Variants in RDH10 observed in about 807,000 individuals in gnomAD.
RDH10 encodes the protein retinol dehydrogenase 10 (all-trans).
Under a neutral mutation model 30.2 loss-of-function variants are expected in RDH10, and 12 were observed. That is an observed-to-expected ratio of 0.40 (90% CI 0.25 to 0.64). The LOEUF (loss-of-function observed/expected upper bound fraction) is 0.64. Among genes scored for constraint, RDH10 ranks in the 30% least tolerant of loss-of-function variants. The pLI, the probability that RDH10 is intolerant of heterozygous loss-of-function variation, is 0.43. For synonymous variants in RDH10, 189 were observed against 172.2 expected, an observed-to-expected ratio of 1.10 and a Z score of -0.76; for missense variants, 268 against 445.2, an observed-to-expected ratio of 0.60 and a Z score of 3.58.
chr8:73,323,031 A>G lies in RDH10; in HGVS notation c.1021A>G (p.Ile341Val). The G allele has an allele frequency of 6.2e-7, 1 of 1,612,138 alleles. No homozygotes were observed. Among genetic ancestry groups the G allele is most frequent in the Non-Finnish European group, 8.5e-7 (1 of 1,178,228 alleles). ...ATNNNEAKNG[I>V] ...AAACAATAATGAAGCAAAAAATGGA[A>G]TCTAAGAATCTTTTTGTATGGAATA... The change falls in exon 6 of 6, where the codon ATC becomes GTC. Residue 341 changes from isoleucine (I) to valine (V), a missense_variant. Coordinates refer to ENST00000240285, the MANE Select transcript of RDH10 (RefSeq NM_172037.5).
At chr8:73,303,707 A>C (rs1814419992) in intron 2 of RDH10, among the ~76,000 whole-genome samples, 1 of 152,156 alleles carries the variant, frequency 6.6e-6, no homozygotes, top group African/African-American at 2.4e-5. Context: ...TTTTGATAGG[A>C]ACTGCTTGGT....
chr8:73,316,232 G>C (rs770930671), intron 2 of RDH10, among the ~76,000 whole-genome samples: 15 of 151,980 alleles, frequency 9.9e-5, no homozygotes, highest in Non-Finnish European at 1.9e-4. Flanking sequence ...TTCCTAGGGT[G>C]GTCTTGAACT....
In RDH10 at chr8:73,294,976, C is replaced by T. The variant is rs1342929070; in HGVS notation, c.-314C>T. 5.1e-6 allele frequency: 2 copies of T among 389,270 alleles called. No individual in the cohort carries two copies. The highest frequency in any genetic ancestry group is 9.1e-6 in the Non-Finnish European group (2 of 220,142). The allele number at this position is 389,270 out of a possible 1,614,324, so 24.1% of individuals were successfully genotyped here. A position where few individuals can be genotyped will look rare whatever the true frequency, so the allele number is the denominator to read the frequency against. On this transcript the variant is annotated 5_prime_UTR_variant, in exon 1 of 6. Coordinates refer to ENST00000240285, the MANE Select transcript of RDH10 (RefSeq NM_172037.5). Reference sequence around the variant, plus strand: ...GTAGTCTAACTCGCGGCTGTCACCGCCACTGCAGCGGAGCCGGCCGGCCGG... The same window carrying T: ...GTAGTCTAACTCGCGGCTGTCACCGTCACTGCAGCGGAGCCGGCCGGCCGG...
At chr8:73,312,502 G>A (rs566744249) in intron 2 of RDH10, 7 of 152,310 alleles carry the variant, frequency 4.6e-5, no homozygotes, top group Non-Finnish European at 7.3e-5. Context: ...AGAGAAGAGC[G>A]CCACCAGATG....
chr8:73,295,190 G>A lies in RDH10; in HGVS notation c.-100G>A, dbSNP rs1814237514. 3.3e-6 allele frequency: 4 copies of A among 1,200,362 alleles called. No individual in the cohort carries two copies. The highest frequency in any genetic ancestry group is 3.2e-5 in the African/African-American group (2 of 61,652). The allele number at this position is 1,200,362 out of a possible 1,614,324, so 74.4% of individuals were successfully genotyped here. A position where few individuals can be genotyped will look rare whatever the true frequency, so the allele number is the denominator to read the frequency against. On this transcript the variant is annotated 5_prime_UTR_variant, in exon 1 of 6. Coordinates refer to ENST00000240285, the MANE Select transcript of RDH10 (RefSeq NM_172037.5). Reference sequence around the variant, plus strand: ...GCGCGGGGCGCAGCCTTCTCGTCCCGGCCTCTGTGACAAGCGCCCCGGAGC... The same window carrying A: ...GCGCGGGGCGCAGCCTTCTCGTCCCAGCCTCTGTGACAAGCGCCCCGGAGC...
chr8:73,310,071 G>A (rs965883777), intron 2 of RDH10, among the ~76,000 whole-genome samples: 1 of 152,148 alleles, frequency 6.6e-6, no homozygotes, highest in Non-Finnish European at 1.5e-5. Flanking sequence ...TGGTCTGAGA[G>A]GTGACCTGAA....
chr8:73,306,712 G>A (rs1224471058), intron 2 of RDH10, among the ~76,000 whole-genome samples: 2 of 152,188 alleles, frequency 1.3e-5, no homozygotes, highest in African/African-American at 4.8e-5. Flanking sequence ...AAGTGGCAGT[G>A]GTGTTAGCAT....
At chr8:73,303,889 G>A (rs1010577755) in intron 2 of RDH10, among the ~76,000 whole-genome samples, 2 of 152,112 alleles carry the variant, frequency 1.3e-5, no homozygotes, top group Admixed American at 6.5e-5. Context: ...GGAACCAGAC[G>A]CTGCATCAGA....
Position 73,295,447 on chromosome 8 carries a change from C to T in RDH10, c.158C>T (p.Ala53Val). 2 of 1,550,286 alleles carry T rather than the reference C, an allele frequency of 1.3e-6. No homozygotes were observed. Among genetic ancestry groups the T allele is most frequent in the Non-Finnish European group, 1.7e-6 (2 of 1,148,480 alleles). The stretch of plus-strand genomic sequence containing the variant: ...GGCAGCGGCCTGGGCCGCCTCTTCG[C>T]GCTGGAGTTCGCCCGGCGTCGGGCG... ...GAGSGLGRLF[A>V]LEFARRRALL... is the part of the protein sequence containing the mutation. Residue 53 changes from alanine (A) to valine (V), a missense_variant, in exon 1 of 6, where the codon GCG becomes GTG. Around this residue, in one of 4 missense-constraint regions of RDH10, gnomAD observed 42 missense variants for 77.6 expected, o/e 0.54. Coordinates refer to ENST00000240285, the MANE Select transcript of RDH10 (RefSeq NM_172037.5).
intron 2 of RDH10, among the ~76,000 whole-genome samples, chr8:73,317,209 T>C (rs986186426): frequency 1.3e-5 from 2 of 152,130 alleles, no homozygotes; most frequent in Admixed American, 6.5e-5. Flanking sequence ...CTTAGAGAAA[T>C]GTAGACAAAG....
rs938088590 is a variant in RDH10 at position 73,295,202 on chromosome 8, A to C, written c.-88A>C. The C allele has an allele frequency of 4.6e-6, 6 of 1,296,250 alleles. No homozygotes were observed. The highest frequency in any genetic ancestry group is 6.1e-6 in the Non-Finnish European group (6 of 981,978). The allele number at this position is 1,296,250 out of a possible 1,614,324, so 80.3% of individuals were successfully genotyped here. Reference sequence around the variant, plus strand: ...GCCTTCTCGTCCCGGCCTCTGTGACAAGCGCCCCGGAGCCGGGAGCCCGAT... The same window carrying C: ...GCCTTCTCGTCCCGGCCTCTGTGACCAGCGCCCCGGAGCCGGGAGCCCGAT... On this transcript the variant is annotated 5_prime_UTR_variant, in exon 1 of 6. Transcript: ENST00000240285.
chr8:73,295,576 A>G lies in RDH10; in HGVS notation c.287A>G (p.Gln96Arg). Residue 96 changes from glutamine to arginine, a missense_variant and splice_region_variant, in exon 1 of 6, where the codon CAA becomes CGA. Transcript: ENST00000240285. ...GAGGCGGCCGACGCCGCTGCGCTGCAAGGTAACCTGGACCCGCGCGGGAGC... is the reference window on the plus strand; with the variant it reads ...GAGGCGGCCGACGCCGCTGCGCTGCGAGGTAACCTGGACCCGCGCGGGAGC... ...DLEAADAAALQAGNGEEEILP... is the reference protein window; with the variant it reads ...DLEAADAAALRAGNGEEEILP... 1 of 1,511,256 alleles carries G rather than the reference A, an allele frequency of 6.6e-7. No homozygotes were observed. 93.6% of individuals were successfully genotyped at this position (1,511,256 alleles called of 1,614,324 possible).
rs1229701671 is a variant in RDH10, at chr8:73,295,560, G to A, written c.271G>A (p.Asp91Asn). 2 of 1,534,014 alleles carry A rather than the reference G, an allele frequency of 1.3e-6. No individual in the cohort carries two copies. The highest frequency in any genetic ancestry group is 1.2e-5 in the South Asian group (1 of 82,036). The change falls in exon 1 of 6, where the codon GAC (aspartate) becomes AAC (asparagine). Residue 91 changes from aspartate to asparagine, a missense_variant. Around this residue, in one of 4 missense-constraint regions of RDH10, gnomAD observed 46 missense variants for 36.7 expected, o/e 1.25. Coordinates refer to ENST00000240285, the MANE Select transcript of RDH10 (RefSeq NM_172037.5). The stretch of plus-strand genomic sequence containing the variant: ...CATCTACCGCGACCTGGAGGCGGCC[G>A]ACGCCGCTGCGCTGCAAGGTAACCT... Reference protein sequence around the residue: ...RHIYRDLEAADAAALQAGNGE... With the variant: ...RHIYRDLEAANAAALQAGNGE...
At chr8:73,314,205 G>C (rs1814622439) in intron 2 of RDH10, among the ~76,000 whole-genome samples, 1 of 152,200 alleles carries the variant, frequency 6.6e-6, no homozygotes, top group Non-Finnish European at 1.5e-5. Context: ...CAAAGTGCCA[G>C]ATTTCTTTGT....
At position 73,322,949 on chromosome 8, in the gene RDH10, GT is replaced by G; in HGVS notation, c.941del (p.Phe314SerfsTer2). The G allele has an allele frequency of 6.2e-7, 1 of 1,614,104 alleles. No individual in the cohort carries two copies. The highest frequency in any genetic ancestry group is 8.5e-7 in the Non-Finnish European group (1 of 1,179,988). On this transcript the variant is annotated frameshift_variant, in exon 6 of 6. Coordinates refer to ENST00000240285, the MANE Select transcript of RDH10 (RefSeq NM_172037.5). LOFTEE classifies it high-confidence loss of function. ...TTGAAGCAGTTGTGTGCATGTATCG[GT>G]TCCTAGGAGCGGACAAGTGTATGTA... ...PFEAVVCMYR[F>X]LGADKCMYPF...
rs139292313 is a variant in RDH10 at position 73,304,298 on chromosome 8, A to G, written c.525+6869A>G. Among the ~76,000 whole-genome samples, 178 of 152,290 alleles carry G rather than the reference A, an allele frequency of 1.2e-3. 3 individuals are homozygous for G. Among genetic ancestry groups the G allele is most frequent in the African/African-American group, 4.2e-3 (174 of 41,558 alleles). On this transcript the variant is annotated intron_variant, in intron 2 of 5. Transcript: ENST00000240285. ...TCACCTCTCCAGCCTGCGTACATTC[A>G]TGGGTCCCCAAATCCTGACTATTTG...
intron 2 of RDH10, among the ~76,000 whole-genome samples, chr8:73,302,030 G>A (rs1814388196): frequency 6.6e-6 from 1 of 152,138 alleles, no homozygotes; most frequent in Admixed American, 6.5e-5. Context: ...ATTTACCAAT[G>A]ATCAGTCCTC....
chr8:73,301,136 C>T (rs1324560416), intron 2 of RDH10, among the ~76,000 whole-genome samples: 5 of 147,376 alleles, frequency 3.4e-5, no homozygotes, highest in African/African-American at 5.0e-5. Context: ...CTGCAAGCTC[C>T]GCCTCCCAGG....
intron 2 of RDH10, among the ~76,000 whole-genome samples, chr8:73,308,673 A>T (rs1055789290): frequency 1.3e-5 from 2 of 152,172 alleles, no homozygotes; most frequent in African/African-American, 2.4e-5. Context: ...GATCCAAGGT[A>T]AATAGACATA....
Sources: allele counts gnomAD v4.1 joint callset (sites outside exome capture counted in the v4.1 genomes callset), GRCh38; gene constraint gnomAD v4.1.1; regional missense constraint gnomAD v4.1.1; transcripts MANE v1.5; gene names NCBI Gene and HGNC (gene_info 2026-07-23, HGNC 2026-07-21).